CSMD1: variants seen among roughly 807,000 people sequenced by gnomAD.
CSMD1 encodes the protein CUB and sushi domain-containing protein 1.
A neutral mutation model predicts 417.5 loss-of-function variants in CSMD1; 213 were observed. The observed-to-expected ratio is 0.51, with a 90% CI of 0.46 to 0.57. The LOEUF (loss-of-function observed/expected upper bound fraction) is 0.57, where lower values mean the gene tolerates loss of function less well. Among genes scored for constraint, CSMD1 ranks in the 20% least tolerant of loss-of-function variants. The pLI is 0.00. For synonymous variants in CSMD1, 2,862 were observed against 1,736.8 expected (o/e 1.65, Z -16.11); for missense variants, 6,923 against 4,529.7 (o/e 1.53, Z -15.17).
chr8:4,802,059 T>G (rs573611721), intron 1 of CSMD1, among the ~76,000 whole-genome samples: 1 of 152,216 alleles, frequency 6.6e-6, no homozygotes, highest in Non-Finnish European at 1.5e-5. Context: ...CGTAGCTATA[T>G]AGCCTAGTTG....
rs1039808500 is a variant in CSMD1 at position 4,209,508 on chromosome 8, C to G, written c.416-177409G>C. Among the ~76,000 whole-genome samples, 7 of 152,200 alleles carry G rather than the reference C, an allele frequency of 4.6e-5. No individual in the cohort carries two copies. The South Asian group carries it at 8.3e-4, about 18-fold the overall frequency. ...TCCCTTAACCTCACTCCCATGGCCC[C>G]TCCTCTCTGGGAAACAGGAGCCGCG... On this transcript the variant is annotated intron_variant, in intron 3 of 69. Transcript: ENST00000635120.
intron 1 of CSMD1, among the ~76,000 whole-genome samples, chr8:4,665,780 T>C (rs1215760772): frequency 6.6e-6 from 1 of 152,232 alleles, no homozygotes; most frequent in Non-Finnish European, 1.5e-5. Context: ...TTTGTGTTTG[T>C]TTTCCATTTA....
intron 1 of CSMD1, among the ~76,000 whole-genome samples, chr8:4,655,510 A>T (rs1393779528): frequency 6.6e-6 from 1 of 152,168 alleles, no homozygotes; most frequent in African/African-American, 2.4e-5. Context: ...TCAGAATTTA[A>T]GAGGATCTCA....
chr8:4,515,648 C>T (rs1464044114), intron 2 of CSMD1, among the ~76,000 whole-genome samples: 4 of 152,078 alleles, frequency 2.6e-5, no homozygotes, highest in Non-Finnish European at 2.9e-5. Flanking sequence ...AAAATGAGAA[C>T]GGATTCCCTC....
intron 2 of CSMD1, among the ~76,000 whole-genome samples, chr8:4,570,183 G>C (rs1253917407): frequency 2.6e-5 from 4 of 152,150 alleles, no homozygotes; most frequent in Non-Finnish European, 5.9e-5. Context: ...ACGTTGAATA[G>C]CAGTGGTGAG....
At chr8:4,148,675 G>C (rs772732401) in intron 3 of CSMD1, among the ~76,000 whole-genome samples, 1 of 152,024 alleles carries the variant, frequency 6.6e-6, no homozygotes, top group African/African-American at 2.4e-5. Flanking sequence ...GCGTGCCCTC[G>C]TGTCTCTTCT....
chr8:3,588,473 C>G (rs1455703155), intron 8 of CSMD1, among the ~76,000 whole-genome samples: 1 of 151,990 alleles, frequency 6.6e-6, no homozygotes, highest in South Asian at 2.1e-4. Flanking sequence ...CAGGGGAGTT[C>G]AAACAGAAAG....
intron 2 of CSMD1, among the ~76,000 whole-genome samples, chr8:4,495,778 A>C (rs1801950040): frequency 6.6e-6 from 1 of 152,172 alleles, no homozygotes; most frequent in Admixed American, 6.5e-5. Context: ...ACATTCAAAT[A>C]TACTTTCTTA....
At chr8:4,677,344 G>C (rs1053047936) in intron 1 of CSMD1, among the ~76,000 whole-genome samples, 1 of 151,878 alleles carries the variant, frequency 6.6e-6, no homozygotes, top group African/African-American at 2.4e-5. Flanking sequence ...ATAAACATGT[G>C]CTACCTATTT....
At chr8:4,879,401 G>T (rs1401767791) in intron 1 of CSMD1, among the ~76,000 whole-genome samples, 3 of 152,134 alleles carry the variant, frequency 2.0e-5, no homozygotes, top group African/African-American at 7.3e-5. Flanking sequence ...TGAACTTAGT[G>T]CAATGAATTG....
chr8:4,746,428 C>A (rs531362782), intron 1 of CSMD1, among the ~76,000 whole-genome samples: 5 of 152,232 alleles, frequency 3.3e-5, no homozygotes, highest in South Asian at 4.2e-4. Flanking sequence ...TTTCTTCTTG[C>A]GAATGGAAGT....
chr8:3,731,926 G>C (rs1057150561), intron 6 of CSMD1, among the ~76,000 whole-genome samples: 1 of 152,132 alleles, frequency 6.6e-6, no homozygotes, highest in African/African-American at 2.4e-5. Context: ...TGGACCTGAG[G>C]TTTGAAACCA....
chr8:2,958,038 CG>C (rs1360552827), intron 62 of CSMD1, among the ~76,000 whole-genome samples: 8 of 152,170 alleles, frequency 5.3e-5, no homozygotes, highest in Admixed American at 1.3e-4. Flanking sequence ...AAAATTTAGA[CG>C]GCTGTTTGGG....
chr8:3,708,172 A>G (rs1342973117), intron 7 of CSMD1, among the ~76,000 whole-genome samples: 1 of 152,210 alleles, frequency 6.6e-6, no homozygotes. Flanking sequence ...TGGAGGGTCC[A>G]GTCTCAGACA....
chr8:4,239,027 G>C (rs138187919), intron 3 of CSMD1, among the ~76,000 whole-genome samples: 1 of 152,138 alleles, frequency 6.6e-6, no homozygotes, highest in Non-Finnish European at 1.5e-5. Flanking sequence ...TCGAAAATCT[G>C]CTTTTGCTGA....
intron 57 of CSMD1, among the ~76,000 whole-genome samples, chr8:2,971,421 G>C (rs1409851417): frequency 6.6e-6 from 1 of 152,148 alleles, no homozygotes; most frequent in Non-Finnish European, 1.5e-5. Context: ...ACACGGGCAA[G>C]CTGATTTGCT....
intron 11 of CSMD1, among the ~76,000 whole-genome samples, chr8:3,482,508 T>A (rs1249011566): frequency 1.3e-5 from 2 of 152,096 alleles, no homozygotes; most frequent in Admixed American, 1.3e-4. Context: ...ATATCAGAGC[T>A]TCACGACAAG....
At chr8:3,882,315 C>T (rs550559522) in intron 5 of CSMD1, among the ~76,000 whole-genome samples, 12 of 152,314 alleles carry the variant, frequency 7.9e-5, no homozygotes, top group South Asian at 6.2e-4. Context: ...ACTTCATTAG[C>T]AGTCAGATAA....
At chr8:3,900,114 G>A (rs1246846999) in intron 5 of CSMD1, among the ~76,000 whole-genome samples, 2 of 152,002 alleles carry the variant, frequency 1.3e-5, no homozygotes, top group East Asian at 3.9e-4. Context: ...GGTTGGCACT[G>A]TAGCTGGGTG....
Sources: gnomAD v4.1 joint callset for allele counts (sites outside exome capture counted in the v4.1 genomes callset) on GRCh38, gnomAD v4.1.1 for gene constraint, MANE v1.5 for transcripts, NCBI Gene and HGNC (gene_info 2026-07-23, HGNC 2026-07-21) for gene names.